Variants in SH3PXD2B observed in about 807,000 individuals in gnomAD.
SH3PXD2B encodes the protein SH3 and PX domains 2B.
A neutral mutation model predicts 73.1 loss-of-function variants in SH3PXD2B; 37 were observed. The observed-to-expected ratio is 0.51, with a 90% CI of 0.39 to 0.67. The LOEUF is 0.67. Among genes scored for constraint, SH3PXD2B ranks in the 30% least tolerant of loss-of-function variants. The probability of loss-of-function intolerance (pLI) is 0.00; values close to 1 mark genes in which losing one functional copy is unlikely to be tolerated. For synonymous variants in SH3PXD2B, 457 were observed against 480.5 expected (o/e 0.95, Z 0.64); for missense variants, 1,053 against 1,197.8 (o/e 0.88, Z 1.78).
intron 2 of SH3PXD2B, among the ~76,000 whole-genome samples, chr5:172,420,861 T>C (rs529029088): frequency 5.2e-4 from 79 of 151,716 alleles, no homozygotes; most frequent in South Asian, 3.5e-3. Flanking sequence ...GATCCGAGGA[T>C]AAAGCCAGCA....
intron 7 of SH3PXD2B, among the ~76,000 whole-genome samples, chr5:172,361,944 AGCC>A (rs1757413766): frequency 1.3e-5 from 2 of 152,208 alleles, no homozygotes; most frequent in Non-Finnish European, 2.9e-5. Context: ...GTCACATGTT[AGCC>A]ACAACAAACC....
Position 172,416,390 on chromosome 5 carries a change from C to T in SH3PXD2B, c.156+6026G>A, listed in dbSNP as rs574534099. Among the ~76,000 whole-genome samples the T allele has an allele frequency of 5.5e-4, 83 of 151,254 alleles. 1 individual carries two copies. Among genetic ancestry groups the T allele is most frequent in the South Asian group, 1.0e-3 (5 of 4,766 alleles). ...GTTGCCTAAGCTGGAGTGCAGTGCA[C>T]GATCTTGGCTTACTGTAACCTCTGC... On this transcript the variant is annotated intron_variant, in intron 2 of 12. Coordinates refer to ENST00000311601, the MANE Select transcript of SH3PXD2B (RefSeq NM_001017995.3).
downstream of SH3PXD2B, among the ~76,000 whole-genome samples, chr5:172,331,555 G>A (rs1756556755): frequency 6.6e-6 from 1 of 152,200 alleles, no homozygotes; most frequent in Non-Finnish European, 1.5e-5. Context: ...GGAGAAGCGT[G>A]CCCCCGTGAT....
chr5:172,365,323 G>T (rs111544248), intron 6 of SH3PXD2B, among the ~76,000 whole-genome samples: 149 of 152,320 alleles, frequency 9.8e-4, no homozygotes, highest in African/African-American at 3.2e-3. Context: ...TTTGTGGGCA[G>T]GAACACAGAG....
At chr5:172,410,515 G>A (rs76480461) in intron 2 of SH3PXD2B, among the ~76,000 whole-genome samples, 16,753 of 152,056 alleles carry the variant, frequency 0.11, 1,913 homozygotes, top group African/African-American at 0.3. Context: ...ACTTGATGTC[G>A]ATGAAGAGAG....
intron 3 of SH3PXD2B, among the ~76,000 whole-genome samples, chr5:172,396,121 G>A (rs1413569298): frequency 3.3e-5 from 5 of 151,140 alleles, no homozygotes; most frequent in South Asian, 4.2e-4. Context: ...GGGAGGCCGA[G>A]GTGGGTGGAT....
chr5:172,326,237 C>T (rs1057418388), intron 12 of SH3PXD2B, among the ~76,000 whole-genome samples: 3 of 152,202 alleles, frequency 2.0e-5, no homozygotes, highest in African/African-American at 7.2e-5. Flanking sequence ...CATATTTATT[C>T]ACTGTAAGGA....
At chr5:172,367,000 G>A (rs183544742) in intron 6 of SH3PXD2B, among the ~76,000 whole-genome samples, 5 of 133,964 alleles carry the variant, frequency 3.7e-5, no homozygotes, top group East Asian at 4.9e-4. Flanking sequence ...ACAGTGGCAC[G>A]ATCTCAGCTC....
chr5:172,346,260 G>A lies in SH3PXD2B; in HGVS notation c.1064C>T (p.Pro355Leu). ...RPPPRRDMTIPRGLNLPKPPI... is the reference protein window; with the variant it reads ...RPPPRRDMTILRGLNLPKPPI... ...CGGCTTCGGCAGGTTGAGGCCTCGA[G>A]GCTGGTACGATCACACACAGGGTTA... The change falls in exon 12 of 13, where the codon CCT becomes CTT. Residue 355 changes from proline to leucine, a missense_variant and splice_region_variant. By Grantham distance (98) the Pro-to-Leu change is moderately conservative. Coordinates refer to ENST00000311601, the MANE Select transcript of SH3PXD2B (RefSeq NM_001017995.3). 6.2e-7 allele frequency: 1 copy of A among 1,613,780 alleles called. No homozygotes were observed. The highest frequency in any genetic ancestry group is 8.5e-7 in the Non-Finnish European group (1 of 1,179,990).
At position 172,335,232 on chromosome 5, in the gene SH3PXD2B, G is replaced by A; in HGVS notation, c.*3137C>T. On this transcript the variant is annotated 3_prime_UTR_variant, in exon 13 of 13. Coordinates refer to ENST00000311601, the MANE Select transcript of SH3PXD2B (RefSeq NM_001017995.3). Reference sequence around the variant, plus strand: ...TGTCACAATTGTGTTAATAAGCAGGGGTGAGGGGAAGAAAAAAAAATCTCT... The same window carrying A: ...TGTCACAATTGTGTTAATAAGCAGGAGTGAGGGGAAGAAAAAAAAATCTCT... 1 of 1,047,042 alleles carries A rather than the reference G, an allele frequency of 9.6e-7. No individual in the cohort carries two copies. Among genetic ancestry groups the A allele is most frequent in the Non-Finnish European group, 1.1e-6 (1 of 870,868 alleles). The allele number at this position is 1,047,042 out of a possible 1,614,324, so 64.9% of individuals were successfully genotyped here.
intron 6 of SH3PXD2B, among the ~76,000 whole-genome samples, chr5:172,369,175 G>A (rs1757644331): frequency 1.3e-5 from 2 of 150,934 alleles, no homozygotes; most frequent in Admixed American, 1.3e-4. Context: ...GATTACAGGT[G>A]TAAACCACCA....
intron 3 of SH3PXD2B, among the ~76,000 whole-genome samples, chr5:172,403,397 G>A (rs764356237): frequency 1.4e-4 from 22 of 152,248 alleles, no homozygotes; most frequent in South Asian, 6.2e-4. Context: ...CGCTTCTTTC[G>A]TGCTTCCCTG....
chr5:172,354,120 G>A, intron 8 of SH3PXD2B, 115 bp from the exon 9 acceptor site: 1 of 1,025,600 alleles, frequency 9.8e-7, no homozygotes, highest in South Asian at 1.3e-5. Context: ...AGATTTCTGG[G>A]CACCCCCCCT....
At chr5:172,417,383 C>T (rs183854926) in intron 2 of SH3PXD2B, among the ~76,000 whole-genome samples, 14 of 152,276 alleles carry the variant, frequency 9.2e-5, no homozygotes, top group African/African-American at 3.4e-4. Flanking sequence ...ATCAACTGGC[C>T]TGGACACAAA....
chr5:172,331,078 C>T (rs1007867070), downstream of SH3PXD2B, among the ~76,000 whole-genome samples: 1 of 152,134 alleles, frequency 6.6e-6, no homozygotes, highest in African/African-American at 2.4e-5. Flanking sequence ...GCCTGTAATC[C>T]CAGCTACTCA....
intron 1 of SH3PXD2B, among the ~76,000 whole-genome samples, chr5:172,439,755 C>G (rs1267078035): frequency 6.6e-6 from 1 of 151,716 alleles, no homozygotes; most frequent in Non-Finnish European, 1.5e-5. Flanking sequence ...CTGGGCTCCC[C>G]TAACTCATGG....
chr5:172,331,720 G>A (rs1407442900), downstream of SH3PXD2B, among the ~76,000 whole-genome samples: 1 of 152,192 alleles, frequency 6.6e-6, no homozygotes, highest in Non-Finnish European at 1.5e-5. Context: ...GGGAGGCCAA[G>A]GCGGGCGGAT....
Position 172,353,822 on chromosome 5 carries a change from T to C in SH3PXD2B, c.785+66A>G, listed in dbSNP as rs557171625. On this transcript the variant is annotated intron_variant, in intron 9 of 12. Coordinates refer to ENST00000311601, the MANE Select transcript of SH3PXD2B (RefSeq NM_001017995.3). This position sits in a 1 kb window ranked among gnomAD's most constrained non-coding sequence, Gnocchi z 4.3. ...GACCTCTGTGAGGCCAGAGTCCCTGTGACCCCAAACCCACCCAGCGTGACC... is the reference window on the plus strand; with the variant it reads ...GACCTCTGTGAGGCCAGAGTCCCTGCGACCCCAAACCCACCCAGCGTGACC... 7.7e-7 allele frequency: 1 copy of C among 1,290,922 alleles called. No homozygotes were observed. Among genetic ancestry groups the C allele is most frequent in the African/African-American group, 1.5e-5 (1 of 68,492 alleles). The allele number at this position is 1,290,922 out of a possible 1,614,324, so 80.0% of individuals were successfully genotyped here. A position where few individuals can be genotyped will look rare whatever the true frequency, so the allele number is the denominator to read the frequency against.
chr5:172,351,692 T>C (rs550878142), intron 9 of SH3PXD2B, among the ~76,000 whole-genome samples: 19 of 152,156 alleles, frequency 1.2e-4, no homozygotes, highest in African/African-American at 4.6e-4. Flanking sequence ...GCCAGACCTT[T>C]GGGGAAAGTT....
Sources: gnomAD v4.1 joint callset for allele counts (sites outside exome capture counted in the v4.1 genomes callset) on GRCh38, gnomAD v4.1.1 for gene constraint, Gnocchi (gnomAD v3.1) non-coding constraint, MANE v1.5 for transcripts, NCBI Gene and HGNC (gene_info 2026-07-23, HGNC 2026-07-21) for gene names.